L2HGDH: variants seen among roughly 807,000 people sequenced by gnomAD.
L2HGDH encodes the protein L-2-hydroxyglutarate dehydrogenase, mitochondrial.
A neutral mutation model predicts 51.5 loss-of-function variants in L2HGDH; 34 were observed. That is an observed-to-expected ratio of 0.66 (90% confidence interval 0.50 to 0.88). The LOEUF is 0.88. L2HGDH is among the 40% of genes least tolerant of loss of function. The pLI, the probability that L2HGDH is intolerant of heterozygous loss-of-function variation, is 0.00. For synonymous variants in L2HGDH, 198 were observed against 197.9 expected, an observed-to-expected ratio of 1.00 and a Z score of -0.01; for missense variants, 558 against 571.9, an observed-to-expected ratio of 0.98 and a Z score of 0.25.
intron 9 of L2HGDH, among the ~76,000 whole-genome samples, chr14:50,257,527 A>G (rs1888742883): frequency 6.6e-6 from 1 of 151,752 alleles, no homozygotes. Flanking sequence ...GTACCACCAT[A>G]CCTGGTTAAT....
rs1889253549 is a variant in L2HGDH, at chr14:50,264,910, AT to A, written c.1196+447del. On this transcript the variant is annotated intron_variant, in intron 9 of 9. Transcript: ENST00000267436. ...TTAAGTTTTAAGAATCAATCAAAAT[AT>A]AATGTTTTAATGTGCTTATTACCTA... Among the ~76,000 whole-genome samples, 3 of 142,366 alleles carry A rather than the reference AT, an allele frequency of 2.1e-5. No individual in the cohort carries two copies. In the South Asian group the frequency reaches 6.2e-4, roughly 29 times the overall value. The allele number at this position is 142,366 out of a possible 152,430, so 93.4% of individuals were successfully genotyped here.
Position 50,245,558 on chromosome 14 carries a change from G to T in L2HGDH, c.*1500C>A. 1.0e-6 allele frequency: 1 copy of T among 966,090 alleles called. No homozygotes were observed. Among genetic ancestry groups the T allele is most frequent in the Non-Finnish European group, 1.2e-6 (1 of 812,360 alleles). The allele number at this position is 966,090 out of a possible 1,614,324, so 59.8% of individuals were successfully genotyped here. ...AACTACTCAAAAATGTAAATTTTAT[G>T]TATTTTCTTGAAATCATGAATTTTT... is the stretch of plus-strand genomic sequence containing the variant. On this transcript the variant is annotated 3_prime_UTR_variant, in exon 10 of 10. Coordinates refer to ENST00000267436, the MANE Select transcript of L2HGDH (RefSeq NM_024884.3).
chr14:50,256,564 T>A (rs564489182), intron 9 of L2HGDH, among the ~76,000 whole-genome samples: 1 of 152,242 alleles, frequency 6.6e-6, no homozygotes, highest in African/African-American at 2.4e-5. Context: ...ACATAGATTT[T>A]TTTAAATCCA....
intron 9 of L2HGDH, among the ~76,000 whole-genome samples, chr14:50,253,175 C>G (rs1305228503): frequency 4.6e-5 from 7 of 151,786 alleles, no homozygotes; most frequent in Non-Finnish European, 8.8e-5. Context: ...ACAATATGAT[C>G]CAGAATGGGA....
At chr14:50,292,286 A>T (rs746566381) in intron 4 of L2HGDH, among the ~76,000 whole-genome samples, 5 of 152,248 alleles carry the variant, frequency 3.3e-5, no homozygotes, top group Non-Finnish European at 5.9e-5. Flanking sequence ...CAAAATCATA[A>T]CAGGTTATCT....
At chr14:50,288,580 G>A (rs1288999827) in intron 4 of L2HGDH, among the ~76,000 whole-genome samples, 1 of 152,088 alleles carries the variant, frequency 6.6e-6, no homozygotes, top group Non-Finnish European at 1.5e-5. Flanking sequence ...ACAGGCATGC[G>A]CCACCATGCC....
intron 5 of L2HGDH, among the ~76,000 whole-genome samples, chr14:50,279,130 T>C (rs1890123984): frequency 6.6e-6 from 1 of 152,258 alleles, no homozygotes; most frequent in African/African-American, 2.4e-5. Context: ...TTTATTATGC[T>C]ACCTACCTAA....
chr14:50,256,518 CAAAAAAA>C (rs753470144), intron 9 of L2HGDH, among the ~76,000 whole-genome samples: 1 of 71,962 alleles, frequency 1.4e-5, no homozygotes, highest in Non-Finnish European at 3.0e-5. Flanking sequence ...GCCTGTCTTA[CAAAAAAA>C]AAAAAAAAAT....
Position 50,269,252 on chromosome 14 carries a change from T to G in L2HGDH, c.817A>C (p.Thr273Pro). 6.2e-7 allele frequency: 1 copy of G among 1,613,904 alleles called. No individual in the cohort carries two copies. The change falls in exon 7 of 10, where the codon ACT becomes CCT. Residue 273 changes from threonine (T) to proline (P), a missense_variant. Thr to Pro is a conservative substitution (Grantham distance 38, BLOSUM62 -1). This residue lies in a region of L2HGDH where 321 missense variants were observed against 311.8 expected (regional missense o/e 1.03). Transcript: ENST00000267436. ...AATGGTACAATTCGAGGATCAGGAG[T>G]GCAGCCACTCAACTCTGAAATACGG... ...SDRISELSGC[T>P]PDPRIVPFRG...
chr14:50,267,447 G>T (rs1474792980), intron 8 of L2HGDH, among the ~76,000 whole-genome samples: 1 of 152,176 alleles, frequency 6.6e-6, no homozygotes, highest in Admixed American at 6.5e-5. Flanking sequence ...CTCCCAGAGT[G>T]CTGGGATTAC....
intron 4 of L2HGDH, among the ~76,000 whole-genome samples, chr14:50,291,629 C>T (rs1890891507): frequency 6.6e-6 from 1 of 152,156 alleles, no homozygotes; most frequent in Non-Finnish European, 1.5e-5. Context: ...TACATGAATT[C>T]AGAAAATCTT....
chr14:50,294,142 A>G lies in L2HGDH; in HGVS notation c.513T>C (p.Asp171=), dbSNP rs1481951159. ...VPGLRLIQQE[D]IKKKEPYCRG... is the part of the protein sequence containing the mutation. ...TACAATATGGCTCCTTCTTTTTTAT[A>G]TCCTCCTGCTGGATCAGCCTCAGGC... The change falls in exon 4 of 10, where the codon GAT becomes GAC. Residue 171 remains aspartate, a synonymous_variant. Coordinates refer to ENST00000267436, the MANE Select transcript of L2HGDH (RefSeq NM_024884.3). 7 of 1,613,752 alleles carry G rather than the reference A, an allele frequency of 4.3e-6. No homozygotes were observed. The highest frequency in any genetic ancestry group is 4.0e-5 in the African/African-American group (3 of 74,836).
intron 1 of L2HGDH, among the ~76,000 whole-genome samples, chr14:50,304,793 C>G (rs1265478854): frequency 6.6e-6 from 1 of 152,120 alleles, no homozygotes; most frequent in African/African-American, 2.4e-5. Flanking sequence ...CAAGATTGCA[C>G]CACTGCACTC....
chr14:50,270,530 G>C (rs1889614802), intron 6 of L2HGDH, among the ~76,000 whole-genome samples: 1 of 151,498 alleles, frequency 6.6e-6, no homozygotes, highest in Non-Finnish European at 1.5e-5. Context: ...TTTTGAGACG[G>C]AGCCTCACTC....
intron 7 of L2HGDH, among the ~76,000 whole-genome samples, chr14:50,268,398 A>G (rs574289721): frequency 2.3e-4 from 35 of 151,506 alleles, no homozygotes; most frequent in East Asian, 1.9e-3. Context: ...AAAAAAAAAA[A>G]AAAGAAACTC....
At chr14:50,302,261 G>C in intron 2 of L2HGDH, 93 bp from the exon 3 acceptor site, 3 of 1,313,204 alleles carry the variant, frequency 2.3e-6, no homozygotes, top group Non-Finnish European at 3.3e-6. Context: ...AGCTATTAGA[G>C]ACCACATCAT....
intron 6 of L2HGDH, among the ~76,000 whole-genome samples, chr14:50,274,889 T>C (rs929484036): frequency 7.0e-6 from 1 of 142,336 alleles, no homozygotes; most frequent in Non-Finnish European, 1.5e-5. Flanking sequence ...AAATACTGTA[T>C]GATCTCACTT....
At chr14:50,257,558 A>G (rs2035431363) in intron 9 of L2HGDH, among the ~76,000 whole-genome samples, 2 of 151,898 alleles carry the variant, frequency 1.3e-5, no homozygotes, top group Admixed American at 6.6e-5. Flanking sequence ...TTTTGTAGAG[A>G]CAGGATCTTA....
At position 50,291,257 on chromosome 14, in the gene L2HGDH, A is replaced by T. The variant is rs73277308; in HGVS notation, c.540+2858T>A. On this transcript the variant is annotated intron_variant, in intron 4 of 9. Transcript: ENST00000267436. The stretch of plus-strand genomic sequence containing the variant: ...AAAACATTTTTAGTTTTCAGGCCAT[A>T]CAAAAACAGGTGGCAGGATGAATTT... 6.4e-3 allele frequency among the ~76,000 whole-genome samples: 972 copies of T among 151,774 alleles called. 11 individuals carry two copies. The highest frequency in any genetic ancestry group is 0.033 in the South Asian group (160 of 4,808).
Sources: allele counts gnomAD v4.1 joint callset (sites outside exome capture counted in the v4.1 genomes callset), GRCh38; gene constraint gnomAD v4.1.1; regional missense constraint gnomAD v4.1.1; transcripts MANE v1.5; gene names NCBI Gene and HGNC (gene_info 2026-07-23, HGNC 2026-07-21).